IGF2BP2: variants seen among roughly 807,000 people sequenced by gnomAD.
IGF2BP2 encodes insulin like growth factor 2 mRNA binding protein 2, also known as insulin-like growth factor 2 mRNA-binding protein 2.
A neutral mutation model predicts 75.8 loss-of-function variants in IGF2BP2; 17 were observed. The observed-to-expected ratio is 0.22, with a 90% confidence interval of 0.15 to 0.34. IGF2BP2 has a LOEUF of 0.34. Among genes scored for constraint, IGF2BP2 ranks in the 10% least tolerant of loss-of-function variants. The probability of loss-of-function intolerance (pLI) is 1.00; values close to 1 mark genes in which losing one functional copy is unlikely to be tolerated. For synonymous variants in IGF2BP2, 288 were observed against 295.6 expected, an observed-to-expected ratio of 0.97 and a Z score of 0.26; for missense variants, 516 against 772.4, an observed-to-expected ratio of 0.67 and a Z score of 3.93.
chr3:185,686,928 C>A lies in IGF2BP2; in HGVS notation c.812+129G>T. The A allele has an allele frequency of 5.8e-6, 6 of 1,031,154 alleles. No homozygotes were observed. The South Asian group carries it at 9.2e-5, about 16-fold the overall frequency. 63.9% of individuals were successfully genotyped at this position (1,031,154 alleles called of 1,614,324 possible). On this transcript the variant is annotated intron_variant, in intron 7 of 15. Coordinates refer to ENST00000382199, the MANE Select transcript of IGF2BP2 (RefSeq NM_006548.6). ...TCTACTTGGGAACAAATTTCTTAAA[C>A]ACAATCCCTCCCTGCCTCTGTTACT...
chr3:185,741,856 C>G (rs1468360901), intron 2 of IGF2BP2, among the ~76,000 whole-genome samples: 2 of 150,886 alleles, frequency 1.3e-5, no homozygotes, highest in East Asian at 3.9e-4. Flanking sequence ...ACCACACTTT[C>G]TACTGGAACT....
At chr3:185,648,121 T>C (rs1280860341) in intron 14 of IGF2BP2, among the ~76,000 whole-genome samples, 2 of 152,234 alleles carry the variant, frequency 1.3e-5, no homozygotes, top group Admixed American at 6.5e-5. Flanking sequence ...TCATTACATC[T>C]AGAACTTGGT....
chr3:185,790,648 C>G (rs182479980), intron 2 of IGF2BP2, among the ~76,000 whole-genome samples: 111 of 152,264 alleles, frequency 7.3e-4, no homozygotes, highest in Non-Finnish European at 7.6e-4. Context: ...GGAAGCTATT[C>G]ATGTTAAATC....
chr3:185,666,001 CATAGATAGATAGATAGATAGATAG>C (rs57817338), intron 10 of IGF2BP2, among the ~76,000 whole-genome samples: 83 of 145,402 alleles, frequency 5.7e-4, no homozygotes, highest in Non-Finnish European at 6.6e-4. Flanking sequence ...TAGATAGGTA[CATAGATAGATAGATAGATAGATAG>C]ATAGATAGAT....
At chr3:185,811,890 G>A (rs1458616128) in intron 2 of IGF2BP2, among the ~76,000 whole-genome samples, 1 of 133,674 alleles carries the variant, frequency 7.5e-6, no homozygotes, top group South Asian at 2.3e-4. Flanking sequence ...CCCTCTCCCT[G>A]CCTGGGCATC....
intron 2 of IGF2BP2, among the ~76,000 whole-genome samples, chr3:185,784,267 T>TAGATAGACAGACAGAC (rs144352498): frequency 5.5e-4 from 84 of 151,736 alleles, no homozygotes; most frequent in African/African-American, 1.6e-3. Context: ...GATAGATAGA[T>TAGATAGACAGACAGAC]AGACAGACAG....
chr3:185,703,406 C>T (rs76806406), intron 2 of IGF2BP2, among the ~76,000 whole-genome samples: 2,811 of 151,966 alleles, frequency 0.018, 83 homozygotes, highest in African/African-American at 0.064. Flanking sequence ...TATTTAGTTA[C>T]GGTAGAATTT....
At chr3:185,687,281 A>G in intron 6 of IGF2BP2, 90 bp from the exon 7 acceptor site, 1 of 1,348,120 alleles carries the variant, frequency 7.4e-7, no homozygotes, top group Non-Finnish European at 1.0e-6. Flanking sequence ...CATGTACAGC[A>G]AGGACACAGA....
At chr3:185,674,417 C>T (rs1159432195) in intron 9 of IGF2BP2, among the ~76,000 whole-genome samples, 1 of 152,164 alleles carries the variant, frequency 6.6e-6, no homozygotes, top group African/African-American at 2.4e-5. Flanking sequence ...CTGAGCTGGA[C>T]TTTTGCTGAT....
chr3:185,687,001 G>A, intron 7 of IGF2BP2, 56 bp downstream of exon 7: 1 of 1,581,638 alleles, frequency 6.3e-7, no homozygotes, highest in Non-Finnish European at 8.6e-7. Flanking sequence ...GGTTAAATGA[G>A]GGAGAATCTA....
intron 2 of IGF2BP2, among the ~76,000 whole-genome samples, chr3:185,705,949 T>C (rs555692359): frequency 6.1e-4 from 93 of 152,264 alleles, no homozygotes; most frequent in African/African-American, 1.8e-3. Context: ...CAAAAAGCAA[T>C]AGTCTGAGAT....
intron 10 of IGF2BP2, among the ~76,000 whole-genome samples, chr3:185,664,579 A>G (rs2149145129): frequency 6.6e-6 from 1 of 152,352 alleles, no homozygotes; most frequent in Middle Eastern, 3.4e-3. Context: ...CAGTGCTTCA[A>G]TAATTTGTAT....
chr3:185,763,499 GCTTGT>G (rs1413930555), intron 2 of IGF2BP2, among the ~76,000 whole-genome samples: 1 of 152,158 alleles, frequency 6.6e-6, no homozygotes, highest in Non-Finnish European at 1.5e-5. Flanking sequence ...TAAGTTACAA[GCTTGT>G]CTTATCTCCC....
At chr3:185,784,611 C>G (rs1735629444) in intron 2 of IGF2BP2, among the ~76,000 whole-genome samples, 2 of 152,234 alleles carry the variant, frequency 1.3e-5, no homozygotes, top group South Asian at 4.1e-4. Flanking sequence ...GAATGCTGTT[C>G]CAGCGATCCC....
In IGF2BP2 at chr3:185,675,350, T is replaced by C. The variant is rs1190435441; in HGVS notation, c.1017A>G (p.Ile339Met). ...GTVEACASAE[I>M]EIMKKLREAF... ...CCTCACGCAGCTTCTTCATAATCTC[T>C]ATCTCAGCACTGGCACAGGCCTCAA... Residue 339 changes from isoleucine to methionine, a missense_variant, in exon 9 of 16, where the codon ATA (isoleucine) becomes ATG (methionine). By Grantham distance (10) the Ile-to-Met change is conservative (BLOSUM62 1). Around this residue, in one of 3 missense-constraint regions of IGF2BP2, gnomAD observed 312 missense variants for 474.5 expected, o/e 0.66. Coordinates refer to ENST00000382199, the MANE Select transcript of IGF2BP2 (RefSeq NM_006548.6). The C allele has an allele frequency of 6.2e-7, 1 of 1,612,084 alleles. No homozygotes were observed. The highest frequency in any genetic ancestry group is 8.5e-7 in the Non-Finnish European group (1 of 1,179,360).
At chr3:185,654,295 TC>T (rs1220965464) in intron 12 of IGF2BP2, among the ~76,000 whole-genome samples, 62 of 152,298 alleles carry the variant, frequency 4.1e-4, no homozygotes, top group Admixed American at 4.0e-3. Context: ...TCTGACACCC[TC>T]TGGCAGATCA....
chr3:185,780,613 TATACA>T lies in IGF2BP2; in HGVS notation c.239+42535_239+42539del, dbSNP rs549243690. Among the ~76,000 whole-genome samples, 6 of 152,324 alleles carry T rather than the reference TATACA, an allele frequency of 3.9e-5. No homozygotes were observed. In the South Asian group the frequency reaches 1.2e-3, roughly 32 times the overall value. On this transcript the variant is annotated intron_variant, in intron 2 of 15. Transcript: ENST00000382199. ...GTGGTATGATGTTGGTTTTTCTGTG[TATACA>T]CAGAAAGGTAGCTTTTTTCATTTGT...
intron 2 of IGF2BP2, chr3:185,717,950 C>T (rs1324055351): frequency 6.6e-6 from 1 of 152,268 alleles, no homozygotes; most frequent in Non-Finnish European, 1.5e-5. Flanking sequence ...GACAGCTTTG[C>T]ACTGTGCATT....
intron 15 of IGF2BP2, chr3:185,646,815 A>G (rs1206215040): frequency 5.1e-6 from 3 of 585,222 alleles, no homozygotes; most frequent in Non-Finnish European, 9.2e-6. Context: ...CTCCTAGCAT[A>G]CATACCTCGG....
Sources: gnomAD v4.1 joint callset for allele counts (sites outside exome capture counted in the v4.1 genomes callset) on GRCh38, gnomAD v4.1.1 for gene constraint, gnomAD v4.1.1 regional missense constraint, MANE v1.5 for transcripts, NCBI Gene and HGNC (gene_info 2026-07-23, HGNC 2026-07-21) for gene names.